Variants in NME4 observed in about 807,000 individuals in gnomAD.
NME4 encodes nucleoside diphosphate kinase D, mitochondrial.
In NME4, 21 loss-of-function variants were observed where a neutral mutation model predicts 16.4. That is an observed-to-expected ratio of 1.28 (90% CI 0.91 to 1.84). NME4 has a LOEUF of 1.84. Ranked by LOEUF, NME4 falls within the 40% of genes most tolerant of loss-of-function variation. The pLI, the probability that NME4 is intolerant of heterozygous loss-of-function variation, is 0.00. For missense variants in NME4, 316 were observed against 261.3 expected (o/e 1.21, Z -1.44); for synonymous variants, 132 against 107.5 (o/e 1.23, Z -1.41).
chr16:398,236 C>T (rs1265221785), intron 1 of NME4: 9 of 1,423,848 alleles, frequency 6.3e-6, no homozygotes, highest in African/African-American at 2.9e-5. Flanking sequence ...ACGGCTGGGG[C>T]GGAGCTCAGC....
intron 2 of NME4, 79 bp downstream of exon 2, chr16:399,202 A>AGC: frequency 1.3e-6 from 2 of 1,574,200 alleles, no homozygotes; most frequent in Non-Finnish European, 1.7e-6. Flanking sequence ...CATCCCAGCC[A>AGC]GCGCCGGGGC....
intron 1 of NME4, 121 bp from the exon 2 acceptor site, chr16:398,868 GT>G: frequency 7.4e-7 from 1 of 1,344,464 alleles, no homozygotes; most frequent in South Asian, 1.3e-5. Context: ...CCCTTCCAGA[GT>G]GCCCTGCATA....
rs1414709166 is a variant in NME4, at chr16:397,319, T to C, written c.91+6T>C. The C allele has an allele frequency of 6.6e-5, 68 of 1,031,046 alleles. No homozygotes were observed. The African/African-American group carries it at 1.1e-3, about 17-fold the overall frequency. The allele number at this position is 1,031,046 out of a possible 1,614,324, so 63.9% of individuals were successfully genotyped here. On this transcript the variant is annotated splice_donor_region_variant and intron_variant, in intron 1 of 4. Coordinates refer to ENST00000219479, the MANE Select transcript of NME4 (RefSeq NM_005009.3). The stretch of plus-strand genomic sequence containing the variant: ...GCTAGTGCGCCACGGCTCGGGTGAG[T>C]GGGGCCGCGCGCCCCGGCGGGGACG...
chr16:398,154 C>G, intron 1 of NME4: 2 of 1,525,096 alleles, frequency 1.3e-6, no homozygotes, highest in Non-Finnish European at 1.8e-6. Context: ...TAGCTTGGCT[C>G]TGGAGCAGCC....
intron 4 of NME4, 75 bp downstream of exon 4, chr16:399,814 G>C (rs1038402839): frequency 3.3e-6 from 4 of 1,229,866 alleles, no homozygotes; most frequent in South Asian, 2.5e-5. Context: ...GCAGATCCAC[G>C]AGACCTGGCT....
intron 3 of NME4, 52 bp from the exon 4 acceptor site, chr16:399,575 C>G: frequency 1.3e-6 from 2 of 1,597,886 alleles, no homozygotes; most frequent in Non-Finnish European, 1.7e-6. Flanking sequence ...GGATTGAGCC[C>G]AGGGGCCCTT....
intron 2 of NME4, 106 bp downstream of exon 2, chr16:399,229 A>G (rs1329329606): frequency 6.7e-7 from 1 of 1,499,296 alleles, no homozygotes; most frequent in African/African-American, 1.4e-5. Flanking sequence ...TGGCTTTGGC[A>G]GTTGAAGGGG....
At chr16:399,261 T>C (rs751530179) in intron 2 of NME4, 118 bp from the exon 3 acceptor site, 2 of 1,405,370 alleles carry the variant, frequency 1.4e-6, no homozygotes, top group East Asian at 2.3e-5. Flanking sequence ...TATTCTGCGG[T>C]GGGGGTGCTG....
chr16:397,871 T>C (rs2141785985), intron 1 of NME4: 2 of 1,554,032 alleles, frequency 1.3e-6, no homozygotes, highest in Admixed American at 1.9e-5. Flanking sequence ...GGACGATCCA[T>C]GTCCCAGGGC....
intron 4 of NME4, 55 bp from the exon 5 acceptor site, chr16:400,164 A>AC: frequency 6.2e-7 from 1 of 1,610,788 alleles, no homozygotes; most frequent in Non-Finnish European, 8.5e-7. Context: ...GGTCCCTGGG[A>AC]TTCCTCAGGG....
chr16:399,881 C>T, intron 4 of NME4, 142 bp downstream of exon 4: 1 of 700,630 alleles, frequency 1.4e-6, no homozygotes, highest in Non-Finnish European at 2.5e-6. Context: ...CTGGTGAGAG[C>T]CGTGTTCTCC....
intron 2 of NME4, 82 bp downstream of exon 2, chr16:399,205 G>A (rs186371139): frequency 3.1e-5 from 49 of 1,562,610 alleles, no homozygotes; most frequent in African/African-American, 6.8e-5. Flanking sequence ...CCCAGCCAGC[G>A]CCGGGGCAGG....
intron 4 of NME4, 125 bp downstream of exon 4, chr16:399,864 G>A: frequency 1.3e-6 from 1 of 760,780 alleles, no homozygotes; most frequent in Non-Finnish European, 2.2e-6. Flanking sequence ...GGACATGACA[G>A]CTCACACTGG....
At chr16:398,006 T>C (rs2054584086) in intron 1 of NME4, 1 of 1,540,018 alleles carries the variant, frequency 6.5e-7, no homozygotes, top group Non-Finnish European at 8.7e-7. Flanking sequence ...CCAGGGGGTC[T>C]TCCTCCCGTG....
At chr16:397,364 C>T in intron 1 of NME4, 51 bp downstream of exon 1, 1 of 729,872 alleles carries the variant, frequency 1.4e-6, no homozygotes, top group Non-Finnish European at 1.7e-6. Flanking sequence ...GGAAGGGGCG[C>T]GCGCCGCTCG....
intron 1 of NME4, chr16:398,269 A>G (rs1287214973): frequency 7.2e-7 from 1 of 1,383,106 alleles, no homozygotes; most frequent in Non-Finnish European, 9.6e-7. Flanking sequence ...TCTGGAAGCG[A>G]CAGGCCTTGA....
intron 4 of NME4, 32 bp downstream of exon 4, chr16:399,771 T>TG (rs1318896653): frequency 1.9e-6 from 3 of 1,575,238 alleles, no homozygotes; most frequent in South Asian, 1.1e-5. Flanking sequence ...AGGCTGCTGC[T>TG]GGGGGCAAGG....
chr16:397,331 C>A lies in NME4; in HGVS notation c.91+18C>A. 9.9e-7 allele frequency: 1 copy of A among 1,010,574 alleles called. No individual in the cohort carries two copies. Among genetic ancestry groups the A allele is most frequent in the Non-Finnish European group, 1.2e-6 (1 of 836,542 alleles). 62.6% of individuals were successfully genotyped at this position (1,010,574 alleles called of 1,614,324 possible). On this transcript the variant is annotated intron_variant, in intron 1 of 4. Coordinates refer to ENST00000219479, the MANE Select transcript of NME4 (RefSeq NM_005009.3). ...CGGCTCGGGTGAGTGGGGCCGCGCG[C>A]CCCGGCGGGGACGCGGAGGGGAGGA... is the stretch of plus-strand genomic sequence containing the variant.
chr16:398,846 C>G lies in NME4; in HGVS notation c.92-144C>G, dbSNP rs1010263984. 6.3e-6 allele frequency: 7 copies of G among 1,104,926 alleles called. No homozygotes were observed. The African/African-American group carries it at 7.8e-5, about 12-fold the overall frequency. 68.4% of individuals were successfully genotyped at this position (1,104,926 alleles called of 1,614,324 possible). ...TCATGGGGGTGTTTGTGGCTGTGGGCACCATCCCTGTCCCTTCCAGAGTGC... is the reference window on the plus strand; with the variant it reads ...TCATGGGGGTGTTTGTGGCTGTGGGGACCATCCCTGTCCCTTCCAGAGTGC... On this transcript the variant is annotated intron_variant, in intron 1 of 4. Coordinates refer to ENST00000219479, the MANE Select transcript of NME4 (RefSeq NM_005009.3).
Sources: allele counts gnomAD v4.1 joint callset, GRCh38; gene constraint gnomAD v4.1.1; transcripts MANE v1.5; gene names NCBI Gene and HGNC (gene_info 2026-07-23, HGNC 2026-07-21).